The following FARS2 variants were observed in gnomAD, a reference collection of about 807,000 sequenced individuals.
FARS2 encodes phenylalanine--tRNA ligase, mitochondrial.
Under a neutral mutation model 46.4 loss-of-function variants are expected in FARS2, and 40 were observed. The ratio of observed to expected loss-of-function variants is 0.86; its 90% CI spans 0.67 to 1.12. The LOEUF (loss-of-function observed/expected upper bound fraction) is 1.12, where lower values mean the gene tolerates loss of function less well. FARS2 is among the 50% of genes most tolerant of loss of function. FARS2 has a pLI of 0.00. For synonymous variants in FARS2, 234 were observed against 214.9 expected (o/e 1.09, Z -0.78); for missense variants, 513 against 567.9 (o/e 0.90, Z 0.98).
intron 5 of FARS2, among the ~76,000 whole-genome samples, chr6:5,600,889 C>T (rs552501726): frequency 6.6e-6 from 1 of 152,158 alleles, no homozygotes; most frequent in Non-Finnish European, 1.5e-5. Flanking sequence ...GTGTCCCTCC[C>T]AAATTCGTAC....
chr6:5,444,768 G>A (rs1764083290), intron 4 of FARS2, among the ~76,000 whole-genome samples: 1 of 110,166 alleles, frequency 9.1e-6, no homozygotes, highest in African/African-American at 3.0e-5. Flanking sequence ...CAGGCTCATG[G>A]AAACAGTAAA....
chr6:5,322,068 A>C (rs569864966), intron 1 of FARS2, among the ~76,000 whole-genome samples: 5 of 152,376 alleles, frequency 3.3e-5, no homozygotes, highest in African/African-American at 9.6e-5. Context: ...TATTTTAGGT[A>C]TCGCTAGAGA....
chr6:5,621,662 A>G (rs1775783028), intron 6 of FARS2, among the ~76,000 whole-genome samples: 1 of 152,166 alleles, frequency 6.6e-6, no homozygotes, highest in South Asian at 2.1e-4. Context: ...TCCCTTATGA[A>G]TGGGATGTAC....
intron 6 of FARS2, among the ~76,000 whole-genome samples, chr6:5,718,306 C>T (rs1759658240): frequency 6.6e-6 from 1 of 152,188 alleles, no homozygotes. Context: ...TTCCCAAGGG[C>T]AGGCACTAGG....
intron 1 of FARS2, among the ~76,000 whole-genome samples, chr6:5,344,280 TG>T (rs1212823022): frequency 6.6e-6 from 1 of 152,188 alleles, no homozygotes; most frequent in Non-Finnish European, 1.5e-5. Context: ...AATAGGTTCC[TG>T]GAGACGGAGG....
At chr6:5,766,842 G>A (rs1186888806) in intron 6 of FARS2, among the ~76,000 whole-genome samples, 1 of 151,918 alleles carries the variant, frequency 6.6e-6, no homozygotes, top group African/African-American at 2.4e-5. Flanking sequence ...GTAACCATCA[G>A]TCTGCCTTCT....
At chr6:5,432,539 C>A (rs1200469528) in intron 4 of FARS2, among the ~76,000 whole-genome samples, 2 of 93,152 alleles carry the variant, frequency 2.1e-5, no homozygotes, top group African/African-American at 4.9e-5. Context: ...TTTTTTTTTT[C>A]AGAGTATAAA....
At chr6:5,440,920 T>TC in intron 4 of FARS2, among the ~76,000 whole-genome samples, 1 of 47,844 alleles carries the variant, frequency 2.1e-5, no homozygotes, top group African/African-American at 6.6e-5. Flanking sequence ...ATTTTCTTTC[T>TC]TTTTTTTTTT....
At chr6:5,682,506 A>G (rs1406719699) in intron 6 of FARS2, among the ~76,000 whole-genome samples, 1 of 152,218 alleles carries the variant, frequency 6.6e-6, no homozygotes, top group Non-Finnish European at 1.5e-5. Flanking sequence ...ATCCGAAGGG[A>G]ACACTGAATG....
intron 2 of FARS2, among the ~76,000 whole-genome samples, chr6:5,391,570 T>C (rs1464551416): frequency 1.6e-5 from 2 of 124,248 alleles, no homozygotes; most frequent in Admixed American, 1.7e-4. Flanking sequence ...GGTCAATAGT[T>C]ATTTTTTTTT....
chr6:5,413,240 T>C (rs895833257), intron 3 of FARS2, among the ~76,000 whole-genome samples: 2 of 152,192 alleles, frequency 1.3e-5, no homozygotes, highest in African/African-American at 4.8e-5. Context: ...TCTATGGCAG[T>C]TGGGCAGAGG....
At chr6:5,698,521 G>A (rs535344956) in intron 6 of FARS2, among the ~76,000 whole-genome samples, 5 of 152,152 alleles carry the variant, frequency 3.3e-5, no homozygotes, top group East Asian at 1.9e-4. Flanking sequence ...GAAAGCTTCC[G>A]GAGCTGAGGC....
chr6:5,694,120 G>A (rs572791153), intron 6 of FARS2, among the ~76,000 whole-genome samples: 1 of 152,330 alleles, frequency 6.6e-6, no homozygotes, highest in East Asian at 1.9e-4. Flanking sequence ...CTATGTAGAG[G>A]TTTCTGTAGG....
chr6:5,770,587 G>A lies in FARS2; in HGVS notation c.1218-704G>A, dbSNP rs1762983802. Among the ~76,000 whole-genome samples, 7 of 152,172 alleles carry A rather than the reference G, an allele frequency of 4.6e-5. No individual in the cohort carries two copies. The South Asian group carries it at 1.5e-3, about 32-fold the overall frequency. ...GCCAGGCCTGCCAGTTCATGGCCCA[G>A]GGGTCTTTCTCATGAGATCAACTGA... On this transcript the variant is annotated intron_variant, in intron 6 of 6. Transcript: ENST00000274680.
At chr6:5,353,212 A>G (rs1757687003) in intron 1 of FARS2, among the ~76,000 whole-genome samples, 2 of 152,200 alleles carry the variant, frequency 1.3e-5, no homozygotes, top group Non-Finnish European at 2.9e-5. Context: ...AGATTCATCC[A>G]TGTTGCTGTA....
chr6:5,620,625 G>A (rs755913962), intron 6 of FARS2, among the ~76,000 whole-genome samples: 4 of 152,040 alleles, frequency 2.6e-5, no homozygotes, highest in Non-Finnish European at 4.4e-5. Context: ...CCACCATGTC[G>A]TTTCTGCTCT....
chr6:5,556,676 T>TAAGA (rs60141468), intron 5 of FARS2, among the ~76,000 whole-genome samples: 300 of 150,756 alleles, frequency 2.0e-3, no homozygotes, highest in African/African-American at 6.4e-3. Flanking sequence ...ATTAAGTTAC[T>TAAGA]AAGAAAGAAA....
At chr6:5,633,544 AG>A (rs1482268236) in intron 6 of FARS2, among the ~76,000 whole-genome samples, 1 of 152,088 alleles carries the variant, frequency 6.6e-6, no homozygotes. Flanking sequence ...CTGGGATTAC[AG>A]GCGTGAGCCA....
intron 6 of FARS2, among the ~76,000 whole-genome samples, chr6:5,664,140 A>G (rs989292901): frequency 6.6e-6 from 1 of 152,214 alleles, no homozygotes; most frequent in African/African-American, 2.4e-5. Flanking sequence ...TTCATTTTAG[A>G]AACAGAAAGC....
Sources: gnomAD v4.1 joint callset for allele counts (sites outside exome capture counted in the v4.1 genomes callset) on GRCh38, gnomAD v4.1.1 for gene constraint, MANE v1.5 for transcripts, NCBI Gene and HGNC (gene_info 2026-07-23, HGNC 2026-07-21) for gene names.